The following MAML2 variants were observed in gnomAD, a reference collection of about 807,000 sequenced individuals.
The protein encoded by MAML2 is mastermind like transcriptional coactivator 2.
MAML2 carries 22 observed loss-of-function variants against 96.1 expected under a neutral mutation model. The ratio of observed to expected loss-of-function variants is 0.23; its 90% CI spans 0.16 to 0.33. The LOEUF is 0.33. Ranked by LOEUF, MAML2 falls within the 10% of genes least tolerant of loss-of-function variation. The pLI, the probability that MAML2 is intolerant of heterozygous loss-of-function variation, is 1.00. For missense variants in MAML2, 1,367 were observed against 1,392.4 expected (o/e 0.98, Z 0.29); for synonymous variants, 561 against 521.3 (o/e 1.08, Z -1.04).
At chr11:96,154,297 C>T (rs1860976429) in intron 1 of MAML2, among the ~76,000 whole-genome samples, 1 of 152,190 alleles carries the variant, frequency 6.6e-6, no homozygotes, top group Non-Finnish European at 1.5e-5. Flanking sequence ...AACTTTTGAG[C>T]AGTCTGCAAC....
In MAML2 at chr11:96,246,167, T is replaced by A. The variant is rs138386567; in HGVS notation, c.513+95216A>T. Among the ~76,000 whole-genome samples, 8 of 152,112 alleles carry A rather than the reference T, an allele frequency of 5.3e-5. No individual in the cohort carries two copies. The East Asian group carries it at 1.4e-3, about 26-fold the overall frequency. Reference sequence around the variant, plus strand: ...CAACAGGTAAATACATCCTAAGAACTGGATAAGTGACAAAAATGAAGCATA... The same window carrying A: ...CAACAGGTAAATACATCCTAAGAACAGGATAAGTGACAAAAATGAAGCATA... On this transcript the variant is annotated intron_variant, in intron 1 of 4. Transcript: ENST00000524717.
At chr11:96,072,298 A>C (rs1859358807) in intron 2 of MAML2, among the ~76,000 whole-genome samples, 1 of 152,182 alleles carries the variant, frequency 6.6e-6, no homozygotes, top group Non-Finnish European at 1.5e-5. Context: ...GGAGCACTGC[A>C]TGTTTCTTAT....
intron 1 of MAML2, among the ~76,000 whole-genome samples, chr11:96,286,927 C>G (rs539318305): frequency 6.6e-6 from 1 of 152,240 alleles, no homozygotes; most frequent in Admixed American, 6.5e-5. Context: ...CAATATGGCC[C>G]TCAAATTTTG....
In MAML2 at chr11:96,268,714, A is replaced by G. The variant is rs150575365; in HGVS notation, c.513+72669T>C. Among the ~76,000 whole-genome samples, 34 of 152,186 alleles carry G rather than the reference A, an allele frequency of 2.2e-4. No individual in the cohort carries two copies. In the East Asian group the frequency reaches 6.0e-3, roughly 27 times the overall value. The stretch of plus-strand genomic sequence containing the variant: ...GAGTCTTTCCCATGCTGTTCTCGTG[A>G]TAGTTAATAAGTCTCACGAGATCTG... On this transcript the variant is annotated intron_variant, in intron 1 of 4. Coordinates refer to ENST00000524717, the MANE Select transcript of MAML2 (RefSeq NM_032427.4).
chr11:96,052,755 C>T (rs1859007457), intron 2 of MAML2, among the ~76,000 whole-genome samples: 1 of 152,228 alleles, frequency 6.6e-6, no homozygotes, highest in Non-Finnish European at 1.5e-5. Context: ...ATGCTCTCCA[C>T]ATTCTGCTTC....
At position 96,092,797 on chromosome 11, in the gene MAML2, C is replaced by A. The variant is rs373014533; in HGVS notation, c.1234G>T (p.Ala412Ser). ...SPIPSVPQSQ[A>S]QPQTGSGASR... is the part of the protein sequence containing the mutation. ...GCTCCGGAGCCTGTCTGAGGCTGAG[C>A]CTGGCTCTGAGGGACTGAAGGGATT... The change falls in exon 2 of 5, where the codon GCT (alanine) becomes TCT (serine). Residue 412 changes from alanine to serine, a missense_variant. Coordinates refer to ENST00000524717, the MANE Select transcript of MAML2 (RefSeq NM_032427.4). This position sits in a 1 kb window ranked among gnomAD's most constrained non-coding sequence, Gnocchi z 4.1. The A allele has an allele frequency of 2.5e-6, 4 of 1,611,748 alleles. No individual in the cohort carries two copies. In the African/African-American group the frequency reaches 4.0e-5, roughly 16 times the overall value.
At position 96,207,146 on chromosome 11, in the gene MAML2, A is replaced by C. The variant is rs138573020; in HGVS notation, c.514-113629T>G. 3.3e-3 allele frequency among the ~76,000 whole-genome samples: 509 copies of C among 152,308 alleles called. 4 individuals carry two copies. The highest frequency in any genetic ancestry group is 0.011 in the African/African-American group (467 of 41,582). On this transcript the variant is annotated intron_variant, in intron 1 of 4. Transcript: ENST00000524717. Reference sequence around the variant, plus strand: ...GTTTTCTTGTAACTGCACCAGTTAGACTTCTCTATTGTAATCTGGAAATCT... The same window carrying C: ...GTTTTCTTGTAACTGCACCAGTTAGCCTTCTCTATTGTAATCTGGAAATCT...
intron 1 of MAML2, among the ~76,000 whole-genome samples, chr11:96,121,855 C>A (rs544491958): frequency 1.0e-4 from 13 of 124,280 alleles, no homozygotes; most frequent in African/African-American, 4.0e-4. Flanking sequence ...GGCGCGATCT[C>A]GGCTCTCTGC....
intron 1 of MAML2, among the ~76,000 whole-genome samples, chr11:96,207,342 C>A (rs1218859575): frequency 6.6e-6 from 1 of 152,196 alleles, no homozygotes; most frequent in Non-Finnish European, 1.5e-5. Context: ...GGTAAGGTAC[C>A]ATCTTAGATC....
intron 2 of MAML2, among the ~76,000 whole-genome samples, chr11:96,000,596 A>G (rs1036866682): frequency 6.6e-6 from 1 of 152,242 alleles, no homozygotes; most frequent in African/African-American, 2.4e-5. Flanking sequence ...CAATCCTTTG[A>G]GATAACTGGC....
At chr11:96,109,309 T>C (rs1860080020) in intron 1 of MAML2, among the ~76,000 whole-genome samples, 2 of 152,140 alleles carry the variant, frequency 1.3e-5, no homozygotes, top group African/African-American at 2.4e-5. Flanking sequence ...CAGAGGAACG[T>C]GGGCTTCATT....
intron 1 of MAML2, among the ~76,000 whole-genome samples, chr11:96,223,167 C>T (rs1862164159): frequency 6.6e-6 from 1 of 151,954 alleles, no homozygotes; most frequent in East Asian, 1.9e-4. Context: ...ATTATAACAA[C>T]ATAATTAGGG....
At chr11:96,166,586 G>A (rs7938298) in intron 1 of MAML2, among the ~76,000 whole-genome samples, 14,713 of 152,202 alleles carry the variant, frequency 0.097, 764 homozygotes, top group Non-Finnish European at 0.1. Context: ...AAGGTCGAAT[G>A]TCAATAGCTA....
At chr11:96,151,143 T>A (rs1860914715) in intron 1 of MAML2, among the ~76,000 whole-genome samples, 1 of 152,162 alleles carries the variant, frequency 6.6e-6, no homozygotes, top group Admixed American at 6.5e-5. Context: ...ATTTTCACTT[T>A]CTTCTAGCCT....
At chr11:96,041,643 T>C (rs1328792705) in intron 2 of MAML2, among the ~76,000 whole-genome samples, 1 of 152,108 alleles carries the variant, frequency 6.6e-6, no homozygotes, top group African/African-American at 2.4e-5. Flanking sequence ...TTCCATTGCG[T>C]TTCAGTCAGT....
chr11:96,005,656 T>C lies in MAML2; in HGVS notation c.2140-13933A>G, dbSNP rs939977755. 1.3e-5 allele frequency among the ~76,000 whole-genome samples: 2 copies of C among 152,218 alleles called. 1 individual carries two copies. Among genetic ancestry groups the C allele is most frequent in the Admixed American group, 1.3e-4 (2 of 15,282 alleles). On this transcript the variant is annotated intron_variant, in intron 2 of 4. Transcript: ENST00000524717. ...GACATTGAAGTAAATACACTGAAGC[T>C]TGGGAATGGAAATGTTGAATAAATG...
intron 2 of MAML2, among the ~76,000 whole-genome samples, chr11:96,002,709 T>G (rs1338188989): frequency 2.6e-4 from 2 of 7,632 alleles, no homozygotes; most frequent in African/African-American, 6.9e-4. Context: ...ATGGGGATGA[T>G]AAGGAGGACG....
At chr11:96,272,470 A>G (rs188184185) in intron 1 of MAML2, among the ~76,000 whole-genome samples, 79 of 152,352 alleles carry the variant, frequency 5.2e-4, no homozygotes, top group Non-Finnish European at 1.5e-5. Flanking sequence ...CCTGAACCTA[A>G]AAAGTTTTTA....
intron 1 of MAML2, among the ~76,000 whole-genome samples, chr11:96,183,404 C>CA (rs1555020957): frequency 8.0e-5 from 1 of 12,544 alleles, no homozygotes; most frequent in Non-Finnish European, 1.9e-4. Context: ...CCCCCCCCCC[C>CA]CTTTCTTTTG....
Sources: allele counts gnomAD v4.1 joint callset (sites outside exome capture counted in the v4.1 genomes callset), GRCh38; gene constraint gnomAD v4.1.1; non-coding constraint Gnocchi (gnomAD v3.1); transcripts MANE v1.5; gene names NCBI Gene and HGNC (gene_info 2026-07-23, HGNC 2026-07-21).